PRDM2: variants seen among roughly 807,000 people sequenced by gnomAD.
PRDM2 encodes PR domain zinc finger protein 2.
A neutral mutation model predicts 130.0 loss-of-function variants in PRDM2; 30 were observed. The ratio of observed to expected loss-of-function variants is 0.23; its 90% CI spans 0.17 to 0.31. The LOEUF (loss-of-function observed/expected upper bound fraction) is 0.31. Among genes scored for constraint, PRDM2 ranks in the 10% least tolerant of loss-of-function variants. The pLI is 1.00. For missense variants in PRDM2, 2,011 were observed against 2,108.4 expected (o/e 0.95, Z 0.90); for synonymous variants, 871 against 782.4 (o/e 1.11, Z -1.89).
At chr1:13,725,909 C>A (rs979128405) in intron 2 of PRDM2, among the ~76,000 whole-genome samples, 8 of 152,200 alleles carry the variant, frequency 5.3e-5, no homozygotes, top group African/African-American at 1.7e-4. Context: ...TATCTTGGCT[C>A]CACTACTTCA....
In PRDM2 at chr1:13,737,476, GA is replaced by G. The variant is rs565724133; in HGVS notation, c.232-4526del. 1.3e-3 allele frequency among the ~76,000 whole-genome samples: 202 copies of G among 152,318 alleles called. 2 individuals carry two copies. The highest frequency in any genetic ancestry group is 4.7e-3 in the African/African-American group (194 of 41,562). On this transcript the variant is annotated intron_variant, in intron 4 of 9. Coordinates refer to ENST00000311066, the MANE Select transcript of PRDM2 (RefSeq NM_001393986.1). Reference sequence around the variant, plus strand: ...AAATATTTGTGTGTGGCCCTTTACAGAAAGTTTGCTGAGCCCTGGTCTTGAT... The same window carrying G: ...AAATATTTGTGTGTGGCCCTTTACAGAAGTTTGCTGAGCCCTGGTCTTGAT...
At chr1:13,718,689 C>A (rs1642626210) in intron 2 of PRDM2, among the ~76,000 whole-genome samples, 1 of 152,112 alleles carries the variant, frequency 6.6e-6, no homozygotes. Context: ...GTCTTCGATC[C>A]TTCCGCTTGA....
In PRDM2 at chr1:13,771,070, TAAAC is replaced by T. The variant is rs961099906; in HGVS notation, c.512-2004_512-2001del. Among the ~76,000 whole-genome samples, 1 of 152,206 alleles carries T rather than the reference TAAAC, an allele frequency of 6.6e-6. No homozygotes were observed. Among genetic ancestry groups the T allele is most frequent in the African/African-American group, 2.4e-5 (1 of 41,464 alleles). On this transcript the variant is annotated intron_variant, in intron 6 of 9. Coordinates refer to ENST00000311066, the MANE Select transcript of PRDM2 (RefSeq NM_001393986.1). The surrounding 1 kb of genome is among the most constrained non-coding windows in gnomAD (Gnocchi z 4.1). ...AAAGGAGGTAGAATCCAAATTCCCT[TAAAC>T]AAAACTGGATCCCTGAAGAACCTTT... is the stretch of plus-strand genomic sequence containing the variant.
intron 1 of PRDM2, among the ~76,000 whole-genome samples, chr1:13,703,244 C>G (rs959597604): frequency 6.6e-6 from 1 of 152,226 alleles, no homozygotes; most frequent in Non-Finnish European, 1.5e-5. Flanking sequence ...AGAGAATTCT[C>G]TGTTGTGGAG....
At chr1:13,774,358 A>G (rs1213403308) in intron 7 of PRDM2, among the ~76,000 whole-genome samples, 1 of 152,258 alleles carries the variant, frequency 6.6e-6, no homozygotes, top group African/African-American at 2.4e-5. Context: ...GACTCTTTTA[A>G]GAAATATTTG....
At chr1:13,723,114 C>A (rs1055316905) in intron 2 of PRDM2, among the ~76,000 whole-genome samples, 1 of 152,184 alleles carries the variant, frequency 6.6e-6, no homozygotes, top group Non-Finnish European at 1.5e-5. Flanking sequence ...ACAGCCCAGG[C>A]CCCTTCTCTC....
chr1:13,708,686 T>C (rs1642280694), intron 1 of PRDM2, among the ~76,000 whole-genome samples: 1 of 152,214 alleles, frequency 6.6e-6, no homozygotes, highest in East Asian at 1.9e-4. Context: ...GAACATTCTA[T>C]TCTTGTATCT....
chr1:13,733,960 G>T (rs1282916568), intron 4 of PRDM2, among the ~76,000 whole-genome samples: 2 of 152,190 alleles, frequency 1.3e-5, no homozygotes, highest in African/African-American at 4.8e-5. Context: ...TTTTCATCAA[G>T]AAGTTCTGTG....
chr1:13,721,772 A>G (rs1642737124), intron 2 of PRDM2, among the ~76,000 whole-genome samples: 1 of 152,168 alleles, frequency 6.6e-6, no homozygotes, highest in Non-Finnish European at 1.5e-5. Flanking sequence ...CAGAGAAAAA[A>G]GCTGTGGGAC....
At position 13,742,007 on chromosome 1, in the gene PRDM2, G is replaced by T; in HGVS notation, c.234G>T (p.Val78=). The change falls in exon 5 of 10, where the codon GTG becomes GTT. Residue 78 remains valine, a splice_region_variant and synonymous_variant. Transcript: ENST00000311066. ...QVKNNVYMWE[V]YYPNLGWMCI... ...TTTTACTTTTCTCCATTTTCAAGGT[G>T]TATTACCCAAATTTGGGATGGATGT... 6.4e-7 allele frequency: 1 copy of T among 1,554,046 alleles called. No individual in the cohort carries two copies.
chr1:13,810,148 G>T (rs932897188), intron 8 of PRDM2, among the ~76,000 whole-genome samples: 7 of 56,338 alleles, frequency 1.2e-4, no homozygotes, highest in Non-Finnish European at 1.8e-4. Flanking sequence ...GGACACAAAG[G>T]TTCCATCTAT....
At position 13,782,806 on chromosome 1, in the gene PRDM2, G is replaced by A. The variant is rs758972620; in HGVS notation, c.5011G>A (p.Ala1671Thr). ...LSENKREDGSAKQELKDFSYS... is the reference protein window; with the variant it reads ...LSENKREDGSTKQELKDFSYS... The stretch of plus-strand genomic sequence containing the variant: ...TGAGAACAAGAGAGAGGACGGCAGC[G>A]CCAAGCAGGAGCTGAAGGACTTCAG... Residue 1671 changes from alanine to threonine, a missense_variant, in exon 8 of 10, where the codon GCC becomes ACC. Ala to Thr is a moderately conservative substitution (Grantham distance 58). Around this residue, in one of 5 missense-constraint regions of PRDM2, gnomAD observed 410 missense variants for 395.9 expected, o/e 1.04. Transcript: ENST00000311066. 2.7e-5 allele frequency: 43 copies of A among 1,608,266 alleles called. No homozygotes were observed. Among genetic ancestry groups the A allele is most frequent in the Admixed American group, 2.6e-4 (15 of 58,504 alleles).
chr1:13,750,383 T>C (rs1643786564), intron 6 of PRDM2, among the ~76,000 whole-genome samples: 1 of 151,520 alleles, frequency 6.6e-6, no homozygotes, highest in Non-Finnish European at 1.5e-5. Context: ...GTGTTTTTTG[T>C]TTTTTTGTTT....
chr1:13,788,376 C>G (rs1192081855), intron 8 of PRDM2, among the ~76,000 whole-genome samples: 1 of 152,168 alleles, frequency 6.6e-6, no homozygotes, highest in Non-Finnish European at 1.5e-5. Flanking sequence ...CTCTGTGCTT[C>G]CTAAAAGTTT....
At chr1:13,793,986 A>C (rs879866442) in intron 8 of PRDM2, among the ~76,000 whole-genome samples, 2 of 152,194 alleles carry the variant, frequency 1.3e-5, no homozygotes, top group Non-Finnish European at 2.9e-5. Flanking sequence ...GTCTGAGACC[A>C]GGGCCCCTCA....
At position 13,779,848 on chromosome 1, in the gene PRDM2, G is replaced by A. The variant is rs1385915177; in HGVS notation, c.2053G>A (p.Val685Ile). Residue 685 changes from valine to isoleucine, a missense_variant, in exon 8 of 10, where the codon GTT (valine) becomes ATT (isoleucine). Val to Ile is a conservative substitution (Grantham distance 29). Around this residue, in one of 5 missense-constraint regions of PRDM2, gnomAD observed 1,288 missense variants for 1,237.7 expected, o/e 1.04. Coordinates refer to ENST00000311066, the MANE Select transcript of PRDM2 (RefSeq NM_001393986.1). The surrounding 1 kb of genome is among the most constrained non-coding windows in gnomAD (Gnocchi z 4.9). ...EAVSFHKEKSVYLSSKLKQLL... is the reference protein window; with the variant it reads ...EAVSFHKEKSIYLSSKLKQLL... ...AGTGTCTTTCCACAAAGAGAAAAGTGTTTATTTGTCATCAAAGCTCAAACA... is the reference window on the plus strand; with the variant it reads ...AGTGTCTTTCCACAAAGAGAAAAGTATTTATTTGTCATCAAAGCTCAAACA... 6.2e-7 allele frequency: 1 copy of A among 1,614,146 alleles called. No individual in the cohort carries two copies. Among genetic ancestry groups the A allele is most frequent in the Admixed American group, 1.7e-5 (1 of 60,018 alleles).
chr1:13,787,772 T>C (rs1179265159), intron 8 of PRDM2: 2 of 982,364 alleles, frequency 2.0e-6, no homozygotes, highest in African/African-American at 3.5e-5. Flanking sequence ...TTAGTTATTT[T>C]ATTGCTTCTT....
chr1:13,719,132 A>G (rs1642643596), intron 2 of PRDM2, among the ~76,000 whole-genome samples: 1 of 152,224 alleles, frequency 6.6e-6, no homozygotes, highest in Non-Finnish European at 1.5e-5. Context: ...CTTGTTATAA[A>G]GGATGATGGG....
At chr1:13,735,861 A>G (rs1243312997) in intron 4 of PRDM2, among the ~76,000 whole-genome samples, 2 of 152,352 alleles carry the variant, frequency 1.3e-5, no homozygotes, top group African/African-American at 4.8e-5. Flanking sequence ...ACAAGAACAT[A>G]AAAATCATTG....
Sources: allele counts gnomAD v4.1 joint callset (sites outside exome capture counted in the v4.1 genomes callset), GRCh38; gene constraint gnomAD v4.1.1; regional missense constraint gnomAD v4.1.1; non-coding constraint Gnocchi (gnomAD v3.1); transcripts MANE v1.5; gene names NCBI Gene and HGNC (gene_info 2026-07-23, HGNC 2026-07-21).